ERN1: variants seen among roughly 807,000 people sequenced by gnomAD.
The protein encoded by ERN1 is serine/threonine-protein kinase/endoribonuclease IRE1.
In ERN1, 39 loss-of-function variants were observed where a neutral mutation model predicts 113.1. The observed-to-expected ratio is 0.34, with a 90% CI of 0.27 to 0.45. ERN1 has a LOEUF of 0.45. ERN1 is among the 20% of genes least tolerant of loss of function. The pLI is 1.00. For missense variants in ERN1, 976 were observed against 1,274.8 expected, an observed-to-expected ratio of 0.77 and a Z score of 3.57; for synonymous variants, 507 against 515.9, an observed-to-expected ratio of 0.98 and a Z score of 0.23.
chr17:64,047,799 T>A lies in ERN1; in HGVS notation c.2529+59A>T. On this transcript the variant is annotated intron_variant, in intron 19 of 21. Transcript: ENST00000433197. ...TTTTATTCTTTGTCCTTTTCTGTAT[T>A]TTCAAAATCTGAAAAACATTAAATG... 4 of 1,470,006 alleles carry A rather than the reference T, an allele frequency of 2.7e-6. No homozygotes were observed. In the South Asian group the frequency reaches 5.7e-5, roughly 21 times the overall value. 91.1% of individuals were successfully genotyped at this position (1,470,006 alleles called of 1,614,324 possible). A position where few individuals can be genotyped will look rare whatever the true frequency, so the allele number is the denominator to read the frequency against.
At chr17:64,120,948 C>T (rs537923285) in intron 1 of ERN1, among the ~76,000 whole-genome samples, 77 of 152,154 alleles carry the variant, frequency 5.1e-4, no homozygotes, top group Non-Finnish European at 9.3e-4. Context: ...TTGCTGAGTG[C>T]CCCCTACAGT....
chr17:64,065,166 C>A (rs758514789), intron 9 of ERN1, 43 bp downstream of exon 9: 1 of 1,387,764 alleles, frequency 7.2e-7, no homozygotes. Flanking sequence ...TAAAATGGAA[C>A]AGAAGTGGTT....
intron 1 of ERN1, among the ~76,000 whole-genome samples, chr17:64,116,887 A>C (rs1015813769): frequency 6.9e-6 from 1 of 144,482 alleles, no homozygotes; most frequent in African/African-American, 2.6e-5. Context: ...GGCGGATCAC[A>C]AGGTCCGGAG....
chr17:64,105,584 GTGTT>G (rs1182103960), intron 1 of ERN1, among the ~76,000 whole-genome samples: 1 of 152,124 alleles, frequency 6.6e-6, no homozygotes. Flanking sequence ...CTGTGTGTGT[GTGTT>G]TTTGTTTGTT....
At position 64,044,219 on chromosome 17, in the gene ERN1, C is replaced by A. The variant is rs1912437092; in HGVS notation, c.2722-19G>T. The A allele has an allele frequency of 3.4e-6, 5 of 1,481,704 alleles. No individual in the cohort carries two copies. In the African/African-American group the frequency reaches 5.7e-5, roughly 17 times the overall value. 91.8% of individuals were successfully genotyped at this position (1,481,704 alleles called of 1,614,324 possible). A position where few individuals can be genotyped will look rare whatever the true frequency, so the allele number is the denominator to read the frequency against. On this transcript the variant is annotated intron_variant, in intron 21 of 21. Coordinates refer to ENST00000433197, the MANE Select transcript of ERN1 (RefSeq NM_001433.5). The surrounding 1 kb of genome is among the most constrained non-coding windows in gnomAD (Gnocchi z 4.1). ...GGTGCTTCTGCAAAGAGTTAGAAAG[C>A]TCGGGAGATTAGAAAGGGGTTAGAA...
intron 1 of ERN1, chr17:64,098,688 C>CA (rs1015872389): frequency 9.7e-6 from 4 of 413,560 alleles, no homozygotes; most frequent in Non-Finnish European, 1.4e-5. Flanking sequence ...ATGCTTAAAG[C>CA]AAAATAGGAA....
At chr17:64,094,662 A>C in intron 2 of ERN1, among the ~76,000 whole-genome samples, 1 of 141,516 alleles carries the variant, frequency 7.1e-6, no homozygotes, top group African/African-American at 2.7e-5. Flanking sequence ...TCCACCTTTG[A>C]CCCGCTATGC....
chr17:64,060,531 T>C lies in ERN1; in HGVS notation c.1144A>G (p.Asn382Asp). 6.2e-7 allele frequency: 1 copy of C among 1,613,998 alleles called. No individual in the cohort carries two copies. The highest frequency in any genetic ancestry group is 8.5e-7 in the Non-Finnish European group (1 of 1,179,866). The change falls in exon 11 of 22, where the codon AAT becomes GAT. Residue 382 changes from asparagine (N) to aspartate (D), a missense_variant. Transcript: ENST00000433197. ...ACATTTTCCCGATGTTTGGGTAGAT[T>C]GTTGGGAAATCTCTCCAGCATCTTG... ...STKMLERFPN[N>D]LPKHRENVIP...
intron 1 of ERN1, among the ~76,000 whole-genome samples, chr17:64,103,989 A>C (rs555269380): frequency 5.3e-5 from 8 of 152,252 alleles, no homozygotes; most frequent in African/African-American, 1.9e-4. Context: ...CTGTAATTCC[A>C]ATACTTTGGG....
At chr17:64,088,059 C>A (rs550954852) in intron 2 of ERN1, among the ~76,000 whole-genome samples, 1 of 152,328 alleles carries the variant, frequency 6.6e-6, no homozygotes, top group African/African-American at 2.4e-5. Flanking sequence ...TAGCTCTGGG[C>A]AGACTTCCTT....
At chr17:64,067,239 G>C (rs745785675) in intron 7 of ERN1, among the ~76,000 whole-genome samples, 2 of 152,114 alleles carry the variant, frequency 1.3e-5, no homozygotes, top group Non-Finnish European at 2.9e-5. Flanking sequence ...GAAGGAGCCA[G>C]TGGAGATGCC....
intron 11 of ERN1, among the ~76,000 whole-genome samples, chr17:64,058,896 G>T (rs1912966134): frequency 6.6e-6 from 1 of 152,116 alleles, no homozygotes; most frequent in Non-Finnish European, 1.5e-5. Flanking sequence ...CATTTTTGGG[G>T]GTTTGTAGCC....
At chr17:64,098,262 C>T (rs1598078238) in intron 1 of ERN1, 21 bp from the exon 2 acceptor site, 1 of 1,613,592 alleles carries the variant, frequency 6.2e-7, no homozygotes, top group African/African-American at 1.3e-5. Flanking sequence ...ATGTAGAAGA[C>T]TCTTAATGTT....
Position 64,060,583 on chromosome 17 carries a change from G to GT in ERN1, c.1091dup (p.His364GlnfsTer3). ...TAGACGCAGACAGTGGGGTTTCATG[G>GT]TGTCCTATGACAGGAAACAAAACCT... On this transcript the variant is annotated frameshift_variant, in exon 11 of 22. Transcript: ENST00000433197. LOFTEE classifies it high-confidence loss of function. 1 of 1,608,212 alleles carries GT rather than the reference G, an allele frequency of 6.2e-7. No individual in the cohort carries two copies. The highest frequency in any genetic ancestry group is 8.5e-7 in the Non-Finnish European group (1 of 1,174,610).
At chr17:64,105,179 G>A (rs992157274) in intron 1 of ERN1, among the ~76,000 whole-genome samples, 1 of 152,082 alleles carries the variant, frequency 6.6e-6, no homozygotes. Flanking sequence ...GCAGTTGAGC[G>A]ATCAGAGCTC....
In ERN1 at chr17:64,075,265, AAG is replaced by A. The variant is rs1491052379; in HGVS notation, c.283-20_283-19del. Reference sequence around the variant, plus strand: ...GGAAGTTTCTTTAAAAAAAAAAAAAAAGAAAAAAAAAAGTTAACCAAGTCTTG... The same window carrying A: ...GGAAGTTTCTTTAAAAAAAAAAAAAAAAAAAAAAAAGTTAACCAAGTCTTG... On this transcript the variant is annotated intron_variant, in intron 4 of 21. Coordinates refer to ENST00000433197, the MANE Select transcript of ERN1 (RefSeq NM_001433.5). 8 of 1,490,674 alleles carry A rather than the reference AAG, an allele frequency of 5.4e-6. No homozygotes were observed. The highest frequency in any genetic ancestry group is 1.3e-5 in the South Asian group (1 of 74,722). The allele number at this position is 1,490,674 out of a possible 1,614,324, so 92.3% of individuals were successfully genotyped here.
intron 1 of ERN1, among the ~76,000 whole-genome samples, chr17:64,101,624 A>G (rs973298727): frequency 6.6e-6 from 1 of 152,190 alleles, no homozygotes; most frequent in African/African-American, 2.4e-5. Flanking sequence ...CCTAAGTTCC[A>G]CATGAAGCAC....
Position 64,043,300 on chromosome 17 carries a change from T to G in ERN1, c.*688A>C, listed in dbSNP as rs1598040531. 2.0e-5 allele frequency: 3 copies of G among 152,564 alleles called. No homozygotes were observed. The highest frequency in any genetic ancestry group is 4.1e-4 in the South Asian group (2 of 4,826). 9.5% of individuals were successfully genotyped at this position (152,564 alleles called of 1,614,324 possible). A position where few individuals can be genotyped will look rare whatever the true frequency, so the allele number is the denominator to read the frequency against. On this transcript the variant is annotated 3_prime_UTR_variant, in exon 22 of 22. Transcript: ENST00000433197. Reference sequence around the variant, plus strand: ...CCACTGGCACTGGGCCACGGCTGCCTCCAGAACAGAGCAGCCTCTTCATTT... The same window carrying G: ...CCACTGGCACTGGGCCACGGCTGCCGCCAGAACAGAGCAGCCTCTTCATTT...
intron 4 of ERN1, among the ~76,000 whole-genome samples, chr17:64,077,002 T>G (rs1431569264): frequency 1.3e-5 from 2 of 152,190 alleles, no homozygotes; most frequent in Non-Finnish European, 2.9e-5. Context: ...ACAGGGCTGC[T>G]GAGAGATTCC....
Sources: allele counts gnomAD v4.1 joint callset (sites outside exome capture counted in the v4.1 genomes callset), GRCh38; gene constraint gnomAD v4.1.1; non-coding constraint Gnocchi (gnomAD v3.1); transcripts MANE v1.5; gene names NCBI Gene and HGNC (gene_info 2026-07-23, HGNC 2026-07-21).